Variants in CYFIP2 observed in about 807,000 individuals in gnomAD.
The protein encoded by CYFIP2 is cytoplasmic FMR1-interacting protein 2.
Under a neutral mutation model 158.7 loss-of-function variants are expected in CYFIP2, and 29 were observed. That is an observed-to-expected ratio of 0.18 (90% CI 0.14 to 0.25). The LOEUF (loss-of-function observed/expected upper bound fraction) is 0.25, where lower values mean the gene tolerates loss of function less well. Ranked by LOEUF, CYFIP2 falls within the 10% of genes least tolerant of loss-of-function variation. The pLI is 1.00. For synonymous variants in CYFIP2, 585 were observed against 617.6 expected (o/e 0.95, Z 0.78); for missense variants, 852 against 1,639.5 (o/e 0.52, Z 8.29).
intron 23 of CYFIP2, chr5:157,342,863 C>A (rs995325867): frequency 6.8e-6 from 11 of 1,608,988 alleles, no homozygotes; most frequent in South Asian, 2.2e-5. Flanking sequence ...TCCCCACTCT[C>A]ATTCCCCACA....
intron 23 of CYFIP2, among the ~76,000 whole-genome samples, chr5:157,353,616 T>C (rs528290554): frequency 1.1e-4 from 16 of 152,338 alleles, no homozygotes; most frequent in African/African-American, 3.1e-4. Flanking sequence ...CTTGGCACTG[T>C]CTTGCTCTGT....
In CYFIP2 at chr5:157,300,700, C is replaced by G. The variant is rs557404728; in HGVS notation, c.388-15C>G. The G allele has an allele frequency of 1.9e-6, 3 of 1,553,834 alleles. No homozygotes were observed. The highest frequency in any genetic ancestry group is 1.4e-5 in the African/African-American group (1 of 73,736). ...GGAGCACAGTGGACCTTACTCACTG[C>G]CCCTCTGCCCCCAGCGCAAGGCCAT... On this transcript the variant is annotated splice_polypyrimidine_tract_variant and intron_variant, in intron 5 of 30. Transcript: ENST00000620254.
chr5:157,351,219 A>G (rs1447418328), intron 23 of CYFIP2, among the ~76,000 whole-genome samples: 1 of 152,158 alleles, frequency 6.6e-6, no homozygotes, highest in African/African-American at 2.4e-5. Flanking sequence ...CCATGTCTGT[A>G]AAGTCCTGGG....
intron 26 of CYFIP2, chr5:157,376,978 G>A (rs1006124041): frequency 2.7e-5 from 12 of 444,906 alleles, no homozygotes; most frequent in South Asian, 9.6e-5. Context: ...CTCCATAAAC[G>A]GTACCAACGT....
chr5:157,368,907 T>TTTG (rs1764709626), intron 26 of CYFIP2, among the ~76,000 whole-genome samples: 1 of 151,194 alleles, frequency 6.6e-6, no homozygotes, highest in African/African-American at 2.4e-5. Context: ...TTTTTGTTTT[T>TTTG]TTTTTTTTTG....
At chr5:157,381,090 T>C (rs1325633877) in intron 26 of CYFIP2, among the ~76,000 whole-genome samples, 1 of 151,894 alleles carries the variant, frequency 6.6e-6, no homozygotes, top group East Asian at 1.9e-4. Context: ...ACATAGAAAA[T>C]GATAAACAGA....
At chr5:157,279,472 C>T (rs1756820160) in intron 1 of CYFIP2, among the ~76,000 whole-genome samples, 2 of 152,210 alleles carry the variant, frequency 1.3e-5, no homozygotes, top group Non-Finnish European at 2.9e-5. Flanking sequence ...TTTCCAAAGC[C>T]ATGTTCTCCT....
intron 23 of CYFIP2, among the ~76,000 whole-genome samples, chr5:157,344,805 A>C (rs1053784112): frequency 4.6e-5 from 7 of 152,146 alleles, no homozygotes; most frequent in Non-Finnish European, 5.9e-5. Context: ...CCTGCATTGG[A>C]TATTAAGCCA....
At chr5:157,369,874 A>G (rs1169216890) in intron 26 of CYFIP2, among the ~76,000 whole-genome samples, 1 of 93,128 alleles carries the variant, frequency 1.1e-5, no homozygotes, top group African/African-American at 4.7e-5. Flanking sequence ...TTGAGAATGG[A>G]CCTAGTTTTT....
chr5:157,346,641 A>T (rs375549959), intron 23 of CYFIP2, among the ~76,000 whole-genome samples: 11 of 152,274 alleles, frequency 7.2e-5, no homozygotes, highest in African/African-American at 2.6e-4. Flanking sequence ...TGGTCTCCAG[A>T]ACTGTGAGAG....
intron 2 of CYFIP2, among the ~76,000 whole-genome samples, chr5:157,286,635 A>ACTGTTT (rs1380301981): frequency 3.0e-4 from 46 of 151,756 alleles, no homozygotes; most frequent in Non-Finnish European, 6.2e-4. Context: ...TTTAATCACA[A>ACTGTTT]AAAACAGCCA....
At chr5:157,305,556 G>A (rs969822377) in intron 8 of CYFIP2, among the ~76,000 whole-genome samples, 3 of 152,202 alleles carry the variant, frequency 2.0e-5, no homozygotes, top group African/African-American at 7.2e-5. Context: ...TGTCTCCCAG[G>A]CTGGAGTGCA....
At chr5:157,333,183 G>A in intron 20 of CYFIP2, 144 bp from the exon 21 acceptor site, 5 of 973,656 alleles carry the variant, frequency 5.1e-6, no homozygotes. Flanking sequence ...TGGACAGGCT[G>A]GTTGGAGTTT....
In CYFIP2 at chr5:157,294,546, T is replaced by A. The variant is rs1038668398; in HGVS notation, c.208-237T>A. ...TGTTTGGGAAAATGTGGCCTGAGGA[T>A]GAGTTCTTCTCAAACTCATTGTGTA... is the stretch of plus-strand genomic sequence containing the variant. On this transcript the variant is annotated intron_variant, in intron 3 of 30. Transcript: ENST00000620254. Among the ~76,000 whole-genome samples, 4 of 152,198 alleles carry A rather than the reference T, an allele frequency of 2.6e-5. No individual in the cohort carries two copies. The East Asian group carries it at 7.7e-4, about 29-fold the overall frequency.
Position 157,320,646 on chromosome 5 carries a change from C to T in CYFIP2, c.1524-9C>T. On this transcript the variant is annotated splice_polypyrimidine_tract_variant and intron_variant, in intron 14 of 30. Coordinates refer to ENST00000620254, the MANE Select transcript of CYFIP2 (RefSeq NM_001037333.3). ...AACCTGGTCTAAGTCTTAGTTCTTC[C>T]TTCCCCAGCGTCCTACAGGCAATTC... 6.2e-7 allele frequency: 1 copy of T among 1,613,924 alleles called. No individual in the cohort carries two copies. The highest frequency in any genetic ancestry group is 2.2e-5 in the East Asian group (1 of 44,886).
intron 26 of CYFIP2, among the ~76,000 whole-genome samples, chr5:157,370,030 GCC>G (rs1764848866): frequency 6.6e-6 from 1 of 152,060 alleles, no homozygotes; most frequent in Non-Finnish European, 1.5e-5. Flanking sequence ...ACAGGCACCT[GCC>G]ACCATGCCTG....
At chr5:157,360,487 A>G in intron 25 of CYFIP2, 115 bp downstream of exon 25, 2 of 750,062 alleles carry the variant, frequency 2.7e-6, no homozygotes, top group East Asian at 2.8e-5. Context: ...AGTACTGGCT[A>G]TCCATCCTAC....
At chr5:157,344,201 C>T (rs1013088463) in intron 23 of CYFIP2, among the ~76,000 whole-genome samples, 2 of 152,054 alleles carry the variant, frequency 1.3e-5, no homozygotes, top group Admixed American at 6.5e-5. Context: ...GATAATCAGC[C>T]CCTAATATCA....
intron 20 of CYFIP2, among the ~76,000 whole-genome samples, chr5:157,331,642 T>C (rs1341827316): frequency 6.6e-6 from 1 of 151,980 alleles, no homozygotes; most frequent in African/African-American, 2.4e-5. Flanking sequence ...AAAATAGAAT[T>C]TGTACTTCTG....
Sources: gnomAD v4.1 joint callset for allele counts (sites outside exome capture counted in the v4.1 genomes callset) on GRCh38, gnomAD v4.1.1 for gene constraint, MANE v1.5 for transcripts, NCBI Gene and HGNC (gene_info 2026-07-23, HGNC 2026-07-21) for gene names.